Variants in RASGEF1C observed in about 807,000 individuals in gnomAD.
The protein encoded by RASGEF1C is ras-GEF domain-containing family member 1C.
Under a neutral mutation model 58.1 loss-of-function variants are expected in RASGEF1C, and 27 were observed. The observed-to-expected ratio is 0.46, with a 90% CI of 0.34 to 0.64. The LOEUF (loss-of-function observed/expected upper bound fraction) is 0.64, where lower values mean the gene tolerates loss of function less well. RASGEF1C is among the 30% of genes least tolerant of loss of function. The pLI, the probability that RASGEF1C is intolerant of heterozygous loss-of-function variation, is 0.01. For missense variants in RASGEF1C, 502 were observed against 605.1 expected, an observed-to-expected ratio of 0.83 and a Z score of 1.79; for synonymous variants, 243 against 246.3, an observed-to-expected ratio of 0.99 and a Z score of 0.13.
At chr5:180,190,326 AAAC>A (rs756236813) in intron 1 of RASGEF1C, among the ~76,000 whole-genome samples, 74 of 151,746 alleles carry the variant, frequency 4.9e-4, no homozygotes, top group Admixed American at 7.9e-4. Flanking sequence ...TCTCTACTAA[AAAC>A]AAAACAAAAA....
intron 1 of RASGEF1C, among the ~76,000 whole-genome samples, chr5:180,175,377 G>T (rs1767207127): frequency 6.6e-6 from 1 of 152,188 alleles, no homozygotes; most frequent in African/African-American, 2.4e-5. Context: ...GAGCAGCCCT[G>T]CTGCTCTCCA....
chr5:180,102,237 C>T (rs773639551), intron 12 of RASGEF1C, 94 bp from the exon 13 acceptor site: 16 of 746,414 alleles, frequency 2.1e-5, no homozygotes, highest in Non-Finnish European at 3.3e-5. Context: ...TTTCTGGGTT[C>T]TCTATTCTGT....
chr5:180,192,343 C>A (rs555764717), intron 1 of RASGEF1C, among the ~76,000 whole-genome samples: 1 of 152,204 alleles, frequency 6.6e-6, no homozygotes, highest in Non-Finnish European at 1.5e-5. Context: ...ACTAATCATG[C>A]CGGATGAAAG....
intron 10 of RASGEF1C, among the ~76,000 whole-genome samples, chr5:180,117,960 C>G (rs1033952220): frequency 6.9e-6 from 1 of 145,562 alleles, no homozygotes; most frequent in South Asian, 2.2e-4. Context: ...CACCACTGCA[C>G]TCCAGCCTGG....
At chr5:180,190,284 G>A (rs894782461) in intron 1 of RASGEF1C, among the ~76,000 whole-genome samples, 4 of 151,762 alleles carry the variant, frequency 2.6e-5, no homozygotes, top group African/African-American at 7.3e-5. Flanking sequence ...TTAGGAGATC[G>A]AGACCATCCT....
At chr5:180,101,585 T>C in intron 13 of RASGEF1C, 60 bp from the exon 14 acceptor site, 1 of 1,594,006 alleles carries the variant, frequency 6.3e-7, no homozygotes, top group Non-Finnish European at 8.6e-7. Flanking sequence ...CCAGTTAGAC[T>C]GCTCTCCAGC....
intron 1 of RASGEF1C, among the ~76,000 whole-genome samples, chr5:180,203,667 T>C (rs1460511986): frequency 6.6e-6 from 1 of 152,112 alleles, no homozygotes. Context: ...GATAACTTAG[T>C]ACACAGCAAT....
chr5:180,136,249 GC>G lies in RASGEF1C; in HGVS notation c.438+128del, dbSNP rs1253396045. On this transcript the variant is annotated intron_variant, in intron 4 of 13. Coordinates refer to ENST00000361132, the MANE Select transcript of RASGEF1C (RefSeq NM_175062.4). The stretch of plus-strand genomic sequence containing the variant: ...GCCTGATTCCTTGATAGGCCAGAAA[GC>G]GGCTGGATTTGGACGGGCCGTGGTG... 2.7e-5 allele frequency: 26 copies of G among 974,262 alleles called. No homozygotes were observed. The East Asian group carries it at 5.0e-4, about 19-fold the overall frequency. The allele number at this position is 974,262 out of a possible 1,614,324, so 60.4% of individuals were successfully genotyped here.
chr5:180,108,875 G>A (rs756597320), intron 12 of RASGEF1C, among the ~76,000 whole-genome samples: 1 of 152,054 alleles, frequency 6.6e-6, no homozygotes, highest in Non-Finnish European at 1.5e-5. Context: ...CCACTTTTTT[G>A]GGGTTGTGGG....
rs545640794 is a variant in RASGEF1C at position 180,125,723 on chromosome 5, A to G, written c.714+1886T>C. On this transcript the variant is annotated intron_variant, in intron 6 of 13. Coordinates refer to ENST00000361132, the MANE Select transcript of RASGEF1C (RefSeq NM_175062.4). ...CTTGAACCCGGGAGGTGGAGGTTGC[A>G]ATGAGCCGAGATCGCACCACTGCAC... is the stretch of plus-strand genomic sequence containing the variant. Among the ~76,000 whole-genome samples the G allele has an allele frequency of 4.6e-5, 7 of 152,268 alleles. No individual in the cohort carries two copies. In the East Asian group the frequency reaches 1.4e-3, roughly 29 times the overall value.
intron 1 of RASGEF1C, among the ~76,000 whole-genome samples, chr5:180,159,823 G>A (rs1449448385): frequency 6.6e-6 from 1 of 152,206 alleles, no homozygotes. Context: ...GTACTTCATT[G>A]AGGTTTCAGG....
intron 1 of RASGEF1C, among the ~76,000 whole-genome samples, chr5:180,169,499 TGAAGTGAAG>T (rs1486639425): frequency 1.4e-5 from 2 of 145,764 alleles, no homozygotes. Flanking sequence ...AGGAAGTGAG[TGAAGTGAAG>T]GAAAGGTCCT....
intron 12 of RASGEF1C, among the ~76,000 whole-genome samples, chr5:180,107,212 G>C (rs74530027): frequency 2.7e-4 from 41 of 152,100 alleles, no homozygotes; most frequent in African/African-American, 9.4e-4. Flanking sequence ...TTAAAAAATC[G>C]ACTTTGTCAA....
At chr5:180,206,764 G>C (rs1468426306) in intron 1 of RASGEF1C, among the ~76,000 whole-genome samples, 3 of 152,206 alleles carry the variant, frequency 2.0e-5, no homozygotes, top group African/African-American at 7.2e-5. Context: ...AAAAAAGAAT[G>C]AGCCAGGTCT....
chr5:180,194,560 C>T (rs1184402317), intron 1 of RASGEF1C, among the ~76,000 whole-genome samples: 5 of 152,202 alleles, frequency 3.3e-5, no homozygotes, highest in Non-Finnish European at 7.3e-5. Context: ...CGCACGTTCA[C>T]AAAAACCACT....
intron 6 of RASGEF1C, among the ~76,000 whole-genome samples, chr5:180,124,757 G>T (rs1242320238): frequency 1.3e-5 from 2 of 152,144 alleles, no homozygotes; most frequent in Non-Finnish European, 2.9e-5. Context: ...CCAGGAGGCG[G>T]ACGTTGTAGT....
At chr5:180,103,346 A>T (rs141798532) in intron 12 of RASGEF1C, among the ~76,000 whole-genome samples, 38 of 152,218 alleles carry the variant, frequency 2.5e-4, no homozygotes, top group Admixed American at 7.2e-4. Context: ...CAGAGTGCTG[A>T]GATTACAGGC....
At chr5:180,104,967 C>T (rs1347576382) in intron 12 of RASGEF1C, among the ~76,000 whole-genome samples, 1 of 152,100 alleles carries the variant, frequency 6.6e-6, no homozygotes, top group Non-Finnish European at 1.5e-5. Context: ...GTGGGGGATA[C>T]ATTCTAAGTC....
At chr5:180,154,721 C>T (rs1484321874) in intron 1 of RASGEF1C, among the ~76,000 whole-genome samples, 2 of 152,082 alleles carry the variant, frequency 1.3e-5, no homozygotes, top group East Asian at 3.9e-4. Flanking sequence ...GCTGGGACTA[C>T]AGGCACCCAC....
Sources: gnomAD v4.1 joint callset for allele counts (sites outside exome capture counted in the v4.1 genomes callset) on GRCh38, gnomAD v4.1.1 for gene constraint, MANE v1.5 for transcripts, NCBI Gene and HGNC (gene_info 2026-07-23, HGNC 2026-07-21) for gene names.